FGF13: variants seen among roughly 807,000 people sequenced by gnomAD.
The protein encoded by FGF13 is fibroblast growth factor homologous factor 2.
In FGF13, 2 loss-of-function variants were observed where a neutral mutation model predicts 19.5. The ratio of observed to expected loss-of-function variants is 0.10; its 90% confidence interval spans 0.04 to 0.32. FGF13 has a LOEUF of 0.32. Ranked by LOEUF, FGF13 falls within the 10% of genes least tolerant of loss-of-function variation. The probability of loss-of-function intolerance (pLI) is 1.00; values close to 1 mark genes in which losing one functional copy is unlikely to be tolerated. For synonymous variants in FGF13, 72 were observed against 76.9 expected (o/e 0.94, Z 0.33); for missense variants, 113 against 192.7 (o/e 0.59, Z 2.45).
rs945716542 is a variant in FGF13 at position 138,625,897 on chromosome X, G to T, written c.*6953C>A. 9.0e-6 allele frequency: 1 copy of T among 110,951 alleles called. No individual in the cohort carries two copies. The highest frequency in any genetic ancestry group is 3.3e-5 in the African/African-American group (1 of 30,500). 9.1% of individuals were successfully genotyped at this position (110,951 alleles called of 1,213,427 possible). A position where few individuals can be genotyped will look rare whatever the true frequency, so the allele number is the denominator to read the frequency against. On this transcript the variant is annotated 3_prime_UTR_variant, in exon 5 of 5. Coordinates refer to ENST00000315930, the MANE Select transcript of FGF13 (RefSeq NM_004114.5). ...TTGCTGATTTTTTTCTGATATGATT[G>T]TACTGGTCAAACTGCCCCTATAACT...
At chrX:139,056,156 C>T (rs1355881537) in intron 1 of FGF13, among the ~76,000 whole-genome samples, 1 of 112,286 alleles carries the variant, frequency 8.9e-6, no homozygotes, top group East Asian at 2.8e-4. Context: ...TCTAAAAGTA[C>T]CAACCATATA....
At chrX:139,071,503 T>C (rs2092376463) in intron 1 of FGF13, among the ~76,000 whole-genome samples, 2 of 112,001 alleles carry the variant, frequency 1.8e-5, no homozygotes, top group African/African-American at 3.2e-5. Flanking sequence ...CCAAGAGTTT[T>C]ATTCCTTCTT....
rs2088960246 is a variant in FGF13 at position 138,615,499 on chromosome X, G to A, written c.*17351C>T. 9.0e-6 allele frequency: 1 copy of A among 111,020 alleles called. No individual in the cohort carries two copies. The highest frequency in any genetic ancestry group is 1.9e-5 in the Non-Finnish European group (1 of 52,989). The allele number at this position is 111,020 out of a possible 1,213,427, so 9.1% of individuals were successfully genotyped here. Reference sequence around the variant, plus strand: ...TCTTCATATGAAGATAAGGTATAGGGAAGAGTCATATCTAGTATTTGGGAA... The same window carrying A: ...TCTTCATATGAAGATAAGGTATAGGAAAGAGTCATATCTAGTATTTGGGAA... On this transcript the variant is annotated 3_prime_UTR_variant, in exon 5 of 5. Transcript: ENST00000315930.
intron 1 of FGF13, among the ~76,000 whole-genome samples, chrX:139,130,344 G>T: frequency 8.9e-6 from 1 of 111,876 alleles, no homozygotes; most frequent in Non-Finnish European, 1.9e-5. Context: ...TAAATCTCAT[G>T]TCCCAAATTA....
intron 1 of FGF13, among the ~76,000 whole-genome samples, chrX:138,930,783 C>T (rs940176375): frequency 8.9e-6 from 1 of 111,790 alleles, no homozygotes; most frequent in Non-Finnish European, 1.9e-5. Context: ...GTTCAAACCA[C>T]AACTTGACCA....
At chrX:138,857,628 T>A (rs1330967386) in exon 3 of FGF13, 1 of 1,209,047 alleles carries the variant, frequency 8.3e-7, no homozygotes, top group Non-Finnish European at 1.1e-6. Flanking sequence ...TTGGATGGAA[T>A]CTTGTCGTAA....
intron 1 of FGF13, among the ~76,000 whole-genome samples, chrX:139,108,573 C>T (rs2083576240): frequency 8.9e-6 from 1 of 111,884 alleles, no homozygotes. Flanking sequence ...TATGTCGTAG[C>T]TGTACTACCT....
At chrX:139,066,732 T>C (rs1490591194) in intron 1 of FGF13, among the ~76,000 whole-genome samples, 2 of 110,758 alleles carry the variant, frequency 1.8e-5, no homozygotes, top group Non-Finnish European at 3.8e-5. Context: ...TCTGAAACTA[T>C]TCCAAATGAT....
In FGF13 at chrX:138,632,609, C is replaced by T. The variant is rs965825158; in HGVS notation, c.*241G>A. ...TGAGATCATGAGAAAATTTGGCAGT[C>T]CTTCTCTCAGATTTAGTTCACTAAA... On this transcript the variant is annotated 3_prime_UTR_variant, in exon 5 of 5. Coordinates refer to ENST00000315930, the MANE Select transcript of FGF13 (RefSeq NM_004114.5). The T allele has an allele frequency of 3.6e-6, 1 of 280,923 alleles. No homozygotes were observed. The highest frequency in any genetic ancestry group is 2.7e-5 in the African/African-American group (1 of 37,285). The allele number at this position is 280,923 out of a possible 1,213,427, so 23.2% of individuals were successfully genotyped here.
chrX:138,793,750 C>A (rs1175950298), intron 3 of FGF13, among the ~76,000 whole-genome samples: 1 of 111,809 alleles, frequency 8.9e-6, no homozygotes, highest in African/African-American at 3.2e-5. Flanking sequence ...GGTTAGAATT[C>A]TGGTCCTGTC....
chrX:138,737,188 G>A (rs747132398), intron 1 of FGF13, among the ~76,000 whole-genome samples: 40 of 111,410 alleles, frequency 3.6e-4, no homozygotes, highest in African/African-American at 1.3e-3. Flanking sequence ...TGCCTTGAGA[G>A]CTTTTGAAAT....
At chrX:138,787,578 C>T (rs2090703831) in intron 3 of FGF13, among the ~76,000 whole-genome samples, 1 of 111,838 alleles carries the variant, frequency 8.9e-6, no homozygotes, top group South Asian at 3.8e-4. Context: ...TTCCCAGATA[C>T]ATGTACAGAA....
chrX:139,186,890 A>C (rs1727814795), intron 1 of FGF13, among the ~76,000 whole-genome samples: 1 of 111,872 alleles, frequency 8.9e-6, no homozygotes, highest in African/African-American at 3.3e-5. Context: ...CTCAGGGAGC[A>C]TTCCCTGGTC....
At position 138,902,351 on chromosome X, in the gene FGF13, T is replaced by C. The variant is rs139535508; in HGVS notation, c.-112-37701A>G. Among the ~76,000 whole-genome samples, 916 of 112,087 alleles carry C rather than the reference T, an allele frequency of 8.2e-3. 15 individuals carry two copies. The highest frequency in any genetic ancestry group is 0.029 in the African/African-American group (886 of 30,899). On this transcript the variant is annotated intron_variant, in intron 1 of 2. Transcript: ENST00000421460. The stretch of plus-strand genomic sequence containing the variant: ...ATGTTCTTAATGTGGCCTATAAGCT[T>C]GAAAACAAAGTGAGGGTATATTTCA...
intron 1 of FGF13, among the ~76,000 whole-genome samples, chrX:139,015,293 G>T (rs758526517): frequency 9.7e-4 from 107 of 110,751 alleles, no homozygotes; most frequent in Middle Eastern, 9.4e-3. Flanking sequence ...TTTTCAGATG[G>T]TATAATCTTA....
intron 1 of FGF13, among the ~76,000 whole-genome samples, chrX:139,169,995 T>C (rs2043613416): frequency 9.0e-6 from 1 of 111,447 alleles, no homozygotes; most frequent in Non-Finnish European, 1.9e-5. Flanking sequence ...ATCACGAAAT[T>C]GCAGGATTTC....
At chrX:138,865,299 A>G (rs1470198796) in intron 1 of FGF13, among the ~76,000 whole-genome samples, 1 of 111,748 alleles carries the variant, frequency 8.9e-6, no homozygotes, top group Non-Finnish European at 1.9e-5. Flanking sequence ...TTAAAACAGA[A>G]ACACCTGGCT....
intron 4 of FGF13, among the ~76,000 whole-genome samples, chrX:138,633,956 A>G (rs1034947444): frequency 5.4e-5 from 6 of 111,242 alleles, no homozygotes; most frequent in Non-Finnish European, 1.1e-4. Flanking sequence ...TCAGGCTAGT[A>G]ATCTCTTTGA....
chrX:138,900,838 G>C (rs1032241001), intron 1 of FGF13, among the ~76,000 whole-genome samples: 1 of 110,772 alleles, frequency 9.0e-6, no homozygotes, highest in African/African-American at 3.3e-5. Flanking sequence ...CTTTTTTTCT[G>C]CCCTTTGAAC....
Sources: gnomAD v4.1 joint callset for allele counts (sites outside exome capture counted in the v4.1 genomes callset) on GRCh38, gnomAD v4.1.1 for gene constraint, MANE v1.5 for transcripts, NCBI Gene and HGNC (gene_info 2026-07-23, HGNC 2026-07-21) for gene names.